Variants in LMAN1 observed in about 807,000 individuals in gnomAD.
LMAN1 encodes the protein lectin, mannose binding 1.
A neutral mutation model predicts 67.8 loss-of-function variants in LMAN1; 32 were observed. The ratio of observed to expected loss-of-function variants is 0.47; its 90% CI spans 0.36 to 0.63. The LOEUF (loss-of-function observed/expected upper bound fraction) is 0.63. Among genes scored for constraint, LMAN1 ranks in the 30% least tolerant of loss-of-function variants. The pLI, the probability that LMAN1 is intolerant of heterozygous loss-of-function variation, is 0.00. For missense variants in LMAN1, 632 were observed against 628.2 expected (o/e 1.01, Z -0.06); for synonymous variants, 235 against 219.3 (o/e 1.07, Z -0.63).
intron 7 of LMAN1, among the ~76,000 whole-genome samples, chr18:59,346,765 C>T (rs1407267239): frequency 1.3e-5 from 2 of 151,488 alleles, no homozygotes; most frequent in African/African-American, 2.4e-5. Flanking sequence ...GGTGATCTGC[C>T]CACCTTGGCC....
At chr18:59,352,016 G>A (rs1908553842) in intron 5 of LMAN1, among the ~76,000 whole-genome samples, 1 of 152,062 alleles carries the variant, frequency 6.6e-6, no homozygotes, top group Admixed American at 6.5e-5. Context: ...TCATGATTTA[G>A]GTGAAAGAAA....
At chr18:59,346,075 GATC>G (rs763093383) in intron 7 of LMAN1, 24 bp from the exon 8 acceptor site, 2 of 1,572,158 alleles carry the variant, frequency 1.3e-6, no homozygotes, top group Admixed American at 3.6e-5. Context: ...TTTTGGAATA[GATC>G]ATTAAAAAGA....
At chr18:59,340,261 G>C (rs1300151431) in intron 8 of LMAN1, among the ~76,000 whole-genome samples, 1 of 152,168 alleles carries the variant, frequency 6.6e-6, no homozygotes, top group East Asian at 1.9e-4. Flanking sequence ...TAGCAAAAGA[G>C]TTAGATGTCC....
At chr18:59,343,688 C>A (rs190296509) in intron 8 of LMAN1, among the ~76,000 whole-genome samples, 87 of 152,082 alleles carry the variant, frequency 5.7e-4, no homozygotes, top group Non-Finnish European at 1.1e-3. Context: ...CACATGAAAC[C>A]ATACAAATCC....
chr18:59,354,435 G>T, intron 4 of LMAN1, 84 bp downstream of exon 4: 1 of 779,254 alleles, frequency 1.3e-6, no homozygotes, highest in South Asian at 1.5e-5. Context: ...TCATTTGGAA[G>T]GTGTTCAGAT....
At chr18:59,358,300 T>C (rs1270361715) in intron 1 of LMAN1, among the ~76,000 whole-genome samples, 1 of 152,244 alleles carries the variant, frequency 6.6e-6, no homozygotes, top group Non-Finnish European at 1.5e-5. Flanking sequence ...AATGTAATGC[T>C]ATTCTTAGTC....
intron 10 of LMAN1, among the ~76,000 whole-genome samples, chr18:59,334,653 T>C (rs1195619898): frequency 6.6e-6 from 1 of 152,152 alleles, no homozygotes; most frequent in African/African-American, 2.4e-5. Context: ...GAATGGTGTA[T>C]CAGAAATCTT....
chr18:59,338,403 G>T (rs1908210647), intron 10 of LMAN1, among the ~76,000 whole-genome samples, 154 bp downstream of exon 10: 1 of 152,042 alleles, frequency 6.6e-6, no homozygotes, highest in African/African-American at 2.4e-5. Flanking sequence ...ATTAAAAGTT[G>T]CTGTATTTAT....
chr18:59,336,776 C>G (rs1908160802), intron 10 of LMAN1, among the ~76,000 whole-genome samples: 1 of 151,924 alleles, frequency 6.6e-6, no homozygotes, highest in Non-Finnish European at 1.5e-5. Context: ...CCCAGCTACT[C>G]AGGAGGCTGA....
At chr18:59,335,640 T>C (rs979484907) in intron 10 of LMAN1, among the ~76,000 whole-genome samples, 3 of 152,016 alleles carry the variant, frequency 2.0e-5, no homozygotes, top group Non-Finnish European at 4.4e-5. Context: ...ATAGTATTCA[T>C]ATACCCAAAA....
chr18:59,355,462 A>T (rs1908639969), intron 2 of LMAN1, 42 bp from the exon 3 acceptor site: 2 of 1,613,764 alleles, frequency 1.2e-6, no homozygotes. Flanking sequence ...CTAGTGGTAT[A>T]TGCATTTATG....
chr18:59,333,846 CA>C (rs917122610), intron 10 of LMAN1, among the ~76,000 whole-genome samples: 2 of 129,794 alleles, frequency 1.5e-5, no homozygotes, highest in Admixed American at 1.5e-4. Context: ...AGAGCTTTAC[CA>C]AAAGAAAAAA....
At chr18:59,346,173 T>C (rs1908399115) in intron 7 of LMAN1, 122 bp from the exon 8 acceptor site, 4 of 756,930 alleles carry the variant, frequency 5.3e-6, no homozygotes, top group Admixed American at 2.6e-5. Context: ...AACATAAAAA[T>C]GTATTCCTTC....
At chr18:59,345,865 A>T in intron 8 of LMAN1, 54 bp downstream of exon 8, 1 of 1,609,158 alleles carries the variant, frequency 6.2e-7, no homozygotes, top group Non-Finnish European at 8.5e-7. Context: ...AGCGTCCATG[A>T]TCAACAGCCT....
chr18:59,337,448 T>C (rs986792263), intron 10 of LMAN1, among the ~76,000 whole-genome samples: 1 of 152,270 alleles, frequency 6.6e-6, no homozygotes, highest in African/African-American at 2.4e-5. Flanking sequence ...ATTTAGTTGA[T>C]TGAATTGTAT....
At chr18:59,353,620 C>G (rs1351362124) in intron 4 of LMAN1, among the ~76,000 whole-genome samples, 2 of 152,164 alleles carry the variant, frequency 1.3e-5, no homozygotes, top group East Asian at 3.8e-4. Flanking sequence ...CTGAAACTCA[C>G]TAAGGCAGAA....
intron 3 of LMAN1, 80 bp from the exon 4 acceptor site, chr18:59,354,660 T>C (rs1015781674): frequency 1.3e-5 from 9 of 717,322 alleles, no homozygotes; most frequent in Non-Finnish European, 2.1e-5. Flanking sequence ...TGAAGTGACT[T>C]ACATATCTAA....
chr18:59,357,311 C>T (rs1908681535), intron 1 of LMAN1, among the ~76,000 whole-genome samples: 1 of 152,136 alleles, frequency 6.6e-6, no homozygotes, highest in African/African-American at 2.4e-5. Flanking sequence ...GTCAAGGTAG[C>T]TGATTTGACT....
In LMAN1 at chr18:59,328,936, T is replaced by C. The variant is rs1428802416; in HGVS notation, c.*2157A>G. 1 of 152,222 alleles carries C rather than the reference T, an allele frequency of 6.6e-6. No individual in the cohort carries two copies. The highest frequency in any genetic ancestry group is 1.5e-5 in the Non-Finnish European group (1 of 68,034). The allele number at this position is 152,222 out of a possible 1,614,324, so 9.4% of individuals were successfully genotyped here. A position where few individuals can be genotyped will look rare whatever the true frequency, so the allele number is the denominator to read the frequency against. On this transcript the variant is annotated 3_prime_UTR_variant, in exon 13 of 13. Transcript: ENST00000251047. ...GACACAATGACTTACATAAAAATTTTAAAATCAATTTTGTTTTAATCCAAG... is the reference window on the plus strand; with the variant it reads ...GACACAATGACTTACATAAAAATTTCAAAATCAATTTTGTTTTAATCCAAG...
Sources: gnomAD v4.1 joint callset for allele counts (sites outside exome capture counted in the v4.1 genomes callset) on GRCh38, gnomAD v4.1.1 for gene constraint, MANE v1.5 for transcripts, NCBI Gene and HGNC (gene_info 2026-07-23, HGNC 2026-07-21) for gene names.